The following NUP160 variants were observed in gnomAD, a reference collection of about 807,000 sequenced individuals.
The protein encoded by NUP160 is nuclear pore complex protein Nup160.
NUP160 carries 94 observed loss-of-function variants against 196.9 expected under a neutral mutation model. The ratio of observed to expected loss-of-function variants is 0.48; its 90% confidence interval spans 0.40 to 0.57. The LOEUF is 0.57. Among genes scored for constraint, NUP160 ranks in the 20% least tolerant of loss-of-function variants. NUP160 has a pLI of 0.00. For synonymous variants in NUP160, 605 were observed against 619.7 expected, an observed-to-expected ratio of 0.98 and a Z score of 0.35; for missense variants, 1,638 against 1,748.3, an observed-to-expected ratio of 0.94 and a Z score of 1.13.
chr11:47,818,521 T>A (rs1851784617), intron 10 of NUP160, among the ~76,000 whole-genome samples: 1 of 151,160 alleles, frequency 6.6e-6, no homozygotes, highest in Non-Finnish European at 1.5e-5. Flanking sequence ...ATGGAACCAG[T>A]AATAATAGGT....
At chr11:47,815,389 C>A (rs2097683803) in intron 13 of NUP160, 90 bp downstream of exon 13, 1 of 963,080 alleles carries the variant, frequency 1.0e-6, no homozygotes, top group Non-Finnish European at 1.5e-6. Context: ...TCGGCAAGAG[C>A]CACTGAACTT....
chr11:47,811,959 A>C lies in NUP160; in HGVS notation c.2241+105T>G, dbSNP rs182327096. 2,269 of 987,786 alleles carry C rather than the reference A, an allele frequency of 2.3e-3. 5 individuals are homozygous for C. The highest frequency in any genetic ancestry group is 9.3e-3 in the Middle Eastern group (42 of 4,532). The allele number at this position is 987,786 out of a possible 1,614,324, so 61.2% of individuals were successfully genotyped here. A position where few individuals can be genotyped will look rare whatever the true frequency, so the allele number is the denominator to read the frequency against. On this transcript the variant is annotated intron_variant, in intron 17 of 35. Coordinates refer to ENST00000378460, the Ensembl canonical transcript of NUP160. ...GCTTGGGAGAATAAAGCAGTGAACC[A>C]AGACAAAAGTATCTGTGCTAGTAGG...
In NUP160 at chr11:47,785,098, A is replaced by ATTTTTTTTTTTTT. The variant is rs777830119; in HGVS notation, c.3849-36_3849-35insAAAAAAAAAAAAA. 55 of 1,137,316 alleles carry ATTTTTTTTTTTTT rather than the reference A, an allele frequency of 4.8e-5. 2 individuals are homozygous for ATTTTTTTTTTTTT. Among genetic ancestry groups the ATTTTTTTTTTTTT allele is most frequent in the East Asian group, 1.9e-4 (7 of 37,340 alleles). 70.5% of individuals were successfully genotyped at this position (1,137,316 alleles called of 1,614,324 possible). On this transcript the variant is annotated intron_variant, in intron 32 of 35. Coordinates refer to ENST00000378460, the Ensembl canonical transcript of NUP160. ...AACAAAAATGACTAATGAGTTTCAG[A>ATTTTTTTTTTTTT]TTCTTAATAGCTATTTAGAGTACCA...
At chr11:47,799,633 C>A (rs950053288) in intron 23 of NUP160, among the ~76,000 whole-genome samples, 3 of 152,020 alleles carry the variant, frequency 2.0e-5, no homozygotes, top group African/African-American at 7.2e-5. Flanking sequence ...GTAGCCTTGA[C>A]CTCCTGGGCT....
At chr11:47,812,268 A>G in intron 16 of NUP160, 34 bp downstream of exon 16, 1 of 1,613,678 alleles carries the variant, frequency 6.2e-7, no homozygotes, top group Non-Finnish European at 8.5e-7. Flanking sequence ...CATTGTTTTA[A>G]TCAAAGAGGC....
rs34742403 is a variant in NUP160, at chr11:47,783,735, A to AT, written c.3991-538dup. Among the ~76,000 whole-genome samples the AT allele has an allele frequency of 7.9e-5, 12 of 151,794 alleles. 1 individual carries two copies. The South Asian group carries it at 8.3e-4, about 11-fold the overall frequency. On this transcript the variant is annotated intron_variant, in intron 33 of 35. Coordinates refer to ENST00000378460, the Ensembl canonical transcript of NUP160. ...GGCTTCCCTACTTTCCTATTTATTT[A>AT]TTTTTTTTGAGACAGAGTCTTGCTC... is the stretch of plus-strand genomic sequence containing the variant.
intron 2 of NUP160, among the ~76,000 whole-genome samples, chr11:47,846,639 T>C (rs1004620330): frequency 6.6e-6 from 1 of 152,190 alleles, no homozygotes; most frequent in Non-Finnish European, 1.5e-5. Context: ...ATTCCCACAA[T>C]TGAGCCACCA....
intron 27 of NUP160, among the ~76,000 whole-genome samples, chr11:47,793,835 G>A (rs2097669366): frequency 2.1e-5 from 3 of 142,816 alleles, no homozygotes; most frequent in South Asian, 4.4e-4. Flanking sequence ...CTGCTTCCTG[G>A]GTTCAAGCGA....
At chr11:47,792,695 A>C (rs1407221536) in intron 28 of NUP160, 91 bp downstream of exon 28, 4 of 1,219,072 alleles carry the variant, frequency 3.3e-6, no homozygotes, top group Non-Finnish European at 4.5e-6. Context: ...AAAAGAAGCA[A>C]AATGACACAA....
At chr11:47,814,070 CAA>C (rs5791787) in intron 13 of NUP160, among the ~76,000 whole-genome samples, 1 of 39,858 alleles carries the variant, frequency 2.5e-5, no homozygotes, top group African/African-American at 8.2e-5. Context: ...GACTCTGTCT[CAA>C]AAAAAAAAAA....
intron 5 of NUP160, 115 bp from the exon 6 acceptor site, chr11:47,837,116 AAG>A (rs1417883392): frequency 1.7e-6 from 1 of 587,262 alleles, no homozygotes; most frequent in East Asian, 2.8e-5. Context: ...CAGAAGGACC[AAG>A]AGCTTATATG....
In NUP160 at chr11:47,839,973, T is replaced by C; in HGVS notation, c.618A>G (p.Ala206=). 3 of 1,612,998 alleles carry C rather than the reference T, an allele frequency of 1.9e-6. No homozygotes were observed. The highest frequency in any genetic ancestry group is 2.5e-6 in the Non-Finnish European group (3 of 1,178,924). ...TGGAATTAGGAGATATTCCAGGTAC[T>C]GCTGGAATTAACTGATAGTTGCAAG... The change falls in exon 4 of 36, where the codon GCA becomes GCG. Residue 206 remains alanine, a synonymous_variant. Transcript: ENST00000378460.
At chr11:47,826,957 T>C (rs117337752) in intron 7 of NUP160, 12,506 of 432,276 alleles carry the variant, frequency 0.029, 245 homozygotes, top group Non-Finnish European at 0.041. Flanking sequence ...GTAAAATTAC[T>C]GGTGTCTTAA....
intron 27 of NUP160, among the ~76,000 whole-genome samples, chr11:47,797,041 G>A (rs1465843578): frequency 1.3e-5 from 2 of 152,124 alleles, no homozygotes; most frequent in Non-Finnish European, 2.9e-5. Flanking sequence ...ATTTAATTGA[G>A]GGGATGTGGG....
exon 32 of NUP160, chr11:47,786,472 T>C: frequency 6.2e-7 from 1 of 1,613,376 alleles, no homozygotes; most frequent in Non-Finnish European, 8.5e-7. Flanking sequence ...TTAGTAGTGA[T>C]GACAGATGAG....
At chr11:47,803,978 C>T (rs767295888) in intron 21 of NUP160, among the ~76,000 whole-genome samples, 10 of 151,950 alleles carry the variant, frequency 6.6e-5, no homozygotes, top group African/African-American at 9.7e-5. Flanking sequence ...GTCAGGAGTT[C>T]GAGACCAGCC....
chr11:47,838,086 G>C (rs1484543196), intron 4 of NUP160, among the ~76,000 whole-genome samples: 1 of 152,172 alleles, frequency 6.6e-6, no homozygotes, highest in East Asian at 1.9e-4. Flanking sequence ...AGACACAAAA[G>C]GAGTACAGAG....
intron 7 of NUP160, among the ~76,000 whole-genome samples, chr11:47,834,283 A>G (rs1335687482): frequency 1.3e-5 from 2 of 152,162 alleles, no homozygotes; most frequent in African/African-American, 4.8e-5. Context: ...GAGACTGATC[A>G]ACAGGATGTT....
At chr11:47,809,331 TA>T (rs879856220) in intron 17 of NUP160, among the ~76,000 whole-genome samples, 2 of 147,782 alleles carry the variant, frequency 1.4e-5, no homozygotes, top group African/African-American at 2.5e-5. Context: ...TGGTGCTGGG[TA>T]AAAAAACAGG....
Sources: allele counts gnomAD v4.1 joint callset (sites outside exome capture counted in the v4.1 genomes callset), GRCh38; gene constraint gnomAD v4.1.1; transcripts MANE v1.5; gene names NCBI Gene and HGNC (gene_info 2026-07-23, HGNC 2026-07-21).